BCL11A: variants seen among roughly 807,000 people sequenced by gnomAD.
BCL11A encodes the protein B cell CLL/lymphoma 11A.
A neutral mutation model predicts 55.9 loss-of-function variants in BCL11A; 2 were observed. The ratio of observed to expected loss-of-function variants is 0.04; its 90% CI spans 0.01 to 0.11. The LOEUF (loss-of-function observed/expected upper bound fraction) is 0.11. BCL11A is among the 10% of genes least tolerant of loss of function. BCL11A has a pLI of 1.00. For synonymous variants in BCL11A, 465 were observed against 473.4 expected, an observed-to-expected ratio of 0.98 and a Z score of 0.23; for missense variants, 817 against 1,137.1, an observed-to-expected ratio of 0.72 and a Z score of 4.05.
chr2:60,496,179 C>T (rs886610251), intron 2 of BCL11A, among the ~76,000 whole-genome samples: 1 of 152,150 alleles, frequency 6.6e-6, no homozygotes, highest in Non-Finnish European at 1.5e-5. Flanking sequence ...AAACCAGAAC[C>T]GGGAAAGTTC....
intron 2 of BCL11A, among the ~76,000 whole-genome samples, chr2:60,501,496 C>A (rs893287160): frequency 6.7e-6 from 1 of 150,000 alleles, no homozygotes; most frequent in African/African-American, 2.5e-5. Context: ...CAAGTACTGA[C>A]ACCGCTTTCT....
rs79204585 is a variant in BCL11A, at chr2:60,505,296, C to T, written c.386-36463G>A. 4.0e-3 allele frequency among the ~76,000 whole-genome samples: 607 copies of T among 152,342 alleles called. 17 individuals carry two copies. The East Asian group carries it at 0.045, about 11-fold the overall frequency. ...ACTCAGAAACGGCTTCAAGGGTGTC[C>T]TTTGGCACCCCATTCTTCCAGATTG... On this transcript the variant is annotated intron_variant, in intron 2 of 3. Transcript: ENST00000642384.
Position 60,460,976 on chromosome 2 carries a change from G to A in BCL11A, c.1936C>T (p.Pro646Ser). The change falls in exon 4 of 4, where the codon CCG becomes TCG. Residue 646 changes from proline to serine, a missense_variant. Physicochemically the swap from Pro to Ser is moderately conservative, Grantham distance 74 (BLOSUM62 -1). This residue lies in a region of BCL11A where 379 missense variants were observed against 425.3 expected (regional missense o/e 0.89). Transcript: ENST00000642384. Reference sequence around the variant, plus strand: ...TTCTCCGTGTTGGGCATCGCGGCCGGGGGCAGGTCGAACTCCTTCTCGAGC... The same window carrying A: ...TTCTCCGTGTTGGGCATCGCGGCCGAGGGCAGGTCGAACTCCTTCTCGAGC... Reference protein sequence around the residue: ...IKLEKEFDLPPAAMPNTENVY... With the variant: ...IKLEKEFDLPSAAMPNTENVY... 1.9e-6 allele frequency: 3 copies of A among 1,610,108 alleles called. No individual in the cohort carries two copies. The highest frequency in any genetic ancestry group is 2.5e-6 in the Non-Finnish European group (3 of 1,177,914).
At chr2:60,528,436 C>T (rs1359531919) in intron 2 of BCL11A, 1 of 152,340 alleles carries the variant, frequency 6.6e-6, no homozygotes, top group Non-Finnish European at 1.5e-5. Context: ...ACTTGCAAAG[C>T]AGGATTCCTT....
At chr2:60,545,664 C>G (rs1249692387) in intron 2 of BCL11A, 1 of 346,626 alleles carries the variant, frequency 2.9e-6, no homozygotes, top group Non-Finnish European at 5.4e-6. Context: ...TAGTAAAGCT[C>G]AATACTTCAA....
rs551850956 is a variant in BCL11A, at chr2:60,550,570, G to A, written c.55+2646C>T. On this transcript the variant is annotated intron_variant, in intron 1 of 3. Transcript: ENST00000642384. The stretch of plus-strand genomic sequence containing the variant: ...CACATAGCAGAGGCGGGGGGCGGGG[G>A]GGTGGTACTGAGGACCGGGATGGCT... 1.6e-4 allele frequency among the ~76,000 whole-genome samples: 25 copies of A among 152,038 alleles called. 1 individual carries two copies. In the South Asian group the frequency reaches 4.8e-3, roughly 29 times the overall value.
chr2:60,513,251 G>A (rs1573036729), intron 2 of BCL11A, among the ~76,000 whole-genome samples: 2 of 152,152 alleles, frequency 1.3e-5, no homozygotes, highest in Non-Finnish European at 2.9e-5. Flanking sequence ...ATCATGCCCC[G>A]GACTCCAGTC....
At chr2:60,451,992 A>C in exon 5 of BCL11A, 1 of 227,826 alleles carries the variant, frequency 4.4e-6, no homozygotes, top group Non-Finnish European at 8.7e-6. Context: ...ATGCCATCTG[A>C]TAAGCGGTAA....
downstream of BCL11A, among the ~76,000 whole-genome samples, chr2:60,455,371 T>C (rs1048142759): frequency 6.6e-6 from 1 of 152,208 alleles, no homozygotes; most frequent in Non-Finnish European, 1.5e-5. Flanking sequence ...AATTTTAGAG[T>C]TCTGGATACA....
intron 2 of BCL11A, chr2:60,542,525 G>A (rs1021859256): frequency 2.0e-5 from 3 of 152,104 alleles, no homozygotes; most frequent in African/African-American, 7.2e-5. Flanking sequence ...TGATGAACTG[G>A]GCCCACACAA....
chr2:60,450,953 T>G, downstream of BCL11A: 1 of 165,384 alleles, frequency 6.0e-6, no homozygotes, highest in Non-Finnish European at 1.3e-5. Flanking sequence ...TTTGATCAGT[T>G]AAACAGAGTT....
In BCL11A at chr2:60,460,803, G is replaced by A. The variant is rs777484449; in HGVS notation, c.2109C>T (p.Pro703=). The change falls in exon 4 of 4, where the codon CCC becomes CCT. Residue 703 remains proline, a synonymous_variant. Transcript: ENST00000642384. ...CCGAGATCCCTCCGTCCAGCTCCCC[G>A]GGCGGTGTGGAGAAGCGCAAACTCC... ...ENGSLRFSTP[P]GELDGGISGR... is the part of the protein sequence containing the mutation. 2.5e-6 allele frequency: 4 copies of A among 1,612,692 alleles called. No individual in the cohort carries two copies. The highest frequency in any genetic ancestry group is 2.5e-6 in the Non-Finnish European group (3 of 1,180,036).
chr2:60,458,243 C>G lies in BCL11A; in HGVS notation c.*2161G>C. Reference sequence around the variant, plus strand: ...GTGTGCATTTTCCTATATTTAAGTACTATATAATCTTAAACCTTTCCCCAA... The same window carrying G: ...GTGTGCATTTTCCTATATTTAAGTAGTATATAATCTTAAACCTTTCCCCAA... On this transcript the variant is annotated 3_prime_UTR_variant, in exon 4 of 4. Coordinates refer to ENST00000642384, the MANE Select transcript of BCL11A (RefSeq NM_022893.4). 2 of 1,019,986 alleles carry G rather than the reference C, an allele frequency of 2.0e-6. No homozygotes were observed. The highest frequency in any genetic ancestry group is 2.4e-6 in the Non-Finnish European group (2 of 849,488). 63.2% of individuals were successfully genotyped at this position (1,019,986 alleles called of 1,614,324 possible).
intron 2 of BCL11A, among the ~76,000 whole-genome samples, chr2:60,504,519 A>T (rs538458730): frequency 6.6e-6 from 1 of 151,700 alleles, no homozygotes; most frequent in Non-Finnish European, 1.5e-5. Flanking sequence ...TTCTTCTTGA[A>T]GTGGGAGCTC....
intron 2 of BCL11A, among the ~76,000 whole-genome samples, chr2:60,487,754 G>A (rs13420461): frequency 1.2e-3 from 190 of 152,318 alleles, no homozygotes; most frequent in African/African-American, 4.3e-3. Flanking sequence ...TTTTAATGCG[G>A]TAATTTTCTC....
intron 2 of BCL11A, among the ~76,000 whole-genome samples, chr2:60,515,499 C>A (rs1235518814): frequency 1.3e-5 from 2 of 152,172 alleles, no homozygotes; most frequent in African/African-American, 4.8e-5. Context: ...ATGTGAATAC[C>A]ACTGATCCCC....
At position 60,460,688 on chromosome 2, in the gene BCL11A, C is replaced by T. The variant is rs1676199626; in HGVS notation, c.2224G>A (p.Asp742Asn). Residue 742 changes from aspartate to asparagine, a missense_variant, in exon 4 of 4, where the codon GAC (aspartate) becomes AAC (asparagine). Physicochemically the swap from Asp to Asn is conservative, Grantham distance 23. Transcript: ENST00000642384. ...ACTTTCCCACAGTACTCACAAGTGT[C>T]GCTGCGTCTGCCCTCTTTTGAGCTG... ...RPSSKEGRRS[D>N]TCEYCGKVFK... The T allele has an allele frequency of 6.2e-7, 1 of 1,614,146 alleles. No individual in the cohort carries two copies. The highest frequency in any genetic ancestry group is 8.5e-7 in the Non-Finnish European group (1 of 1,180,032).
At chr2:60,503,551 C>T (rs923005995) in intron 2 of BCL11A, among the ~76,000 whole-genome samples, 17 of 152,178 alleles carry the variant, frequency 1.1e-4, no homozygotes, top group African/African-American at 2.4e-4. Context: ...TAATGTGTGG[C>T]GCTCAGGTCT....
At chr2:60,496,556 G>A (rs142467301) in intron 2 of BCL11A, 1 of 152,428 alleles carries the variant, frequency 6.6e-6, no homozygotes, top group East Asian at 1.9e-4. Context: ...CTTTGCTGCA[G>A]GTTCAAGGCA....
Sources: gnomAD v4.1 joint callset for allele counts (sites outside exome capture counted in the v4.1 genomes callset) on GRCh38, gnomAD v4.1.1 for gene constraint, gnomAD v4.1.1 regional missense constraint, MANE v1.5 for transcripts, NCBI Gene and HGNC (gene_info 2026-07-23, HGNC 2026-07-21) for gene names.